CUEDC1: variants seen among roughly 807,000 people sequenced by gnomAD.
CUEDC1 encodes CUE domain-containing protein 1.
A neutral mutation model predicts 43.7 loss-of-function variants in CUEDC1; 30 were observed. That is an observed-to-expected ratio of 0.69 (90% CI 0.51 to 0.93). The LOEUF is 0.93. CUEDC1 is among the 40% of genes least tolerant of loss of function. The probability of loss-of-function intolerance (pLI) is 0.00; values close to 1 mark genes in which losing one functional copy is unlikely to be tolerated. For synonymous variants in CUEDC1, 223 were observed against 223.6 expected, an observed-to-expected ratio of 1.00 and a Z score of 0.02; for missense variants, 486 against 549.0, an observed-to-expected ratio of 0.89 and a Z score of 1.15.
chr17:57,883,666 T>C (rs914081078), intron 2 of CUEDC1, among the ~76,000 whole-genome samples: 1 of 151,858 alleles, frequency 6.6e-6, no homozygotes, highest in Non-Finnish European at 1.5e-5. Context: ...GAGGTTGCAG[T>C]GAACCAAGAT....
rs56137797 is a variant in CUEDC1, at chr17:57,932,281, C to CA, written c.-316+22943dup. Among the ~76,000 whole-genome samples the CA allele has an allele frequency of 4.1e-4, 50 of 121,920 alleles. 1 individual carries two copies. Among genetic ancestry groups the CA allele is most frequent in the East Asian group, 1.6e-3 (8 of 5,062 alleles). 80.0% of individuals were successfully genotyped at this position (121,920 alleles called of 152,430 possible). ...TGGGCAACAAAGTGACACTGTGTCT[C>CA]AAAAAAAAAAAAAAAAAAAAAAGGC... On this transcript the variant is annotated intron_variant, in intron 1 of 10. Transcript: ENST00000577830.
intron 10 of CUEDC1, 147 bp downstream of exon 10, chr17:57,866,327 G>A (rs916867187): frequency 4.0e-5 from 26 of 647,460 alleles, no homozygotes; most frequent in South Asian, 3.9e-4. Context: ...TGTCCCTGCC[G>A]CAACTATGAG....
chr17:57,863,361 G>A (rs1233172183), intron 10 of CUEDC1, 76 bp from the exon 11 acceptor site: 2 of 152,284 alleles, frequency 1.3e-5, no homozygotes, highest in African/African-American at 2.4e-5. Context: ...CTGGTTCCTG[G>A]AGAGACAGTT....
chr17:57,913,671 G>T (rs1188441125), intron 1 of CUEDC1, among the ~76,000 whole-genome samples: 1 of 113,440 alleles, frequency 8.8e-6, no homozygotes, highest in Non-Finnish European at 2.0e-5. Context: ...CCTCATTTCT[G>T]CCCCCCATCC....
chr17:57,874,504 G>A (rs1161732623), intron 3 of CUEDC1, among the ~76,000 whole-genome samples: 3 of 152,246 alleles, frequency 2.0e-5, no homozygotes, highest in African/African-American at 7.2e-5. Flanking sequence ...CAACAGCTGG[G>A]CAAGGCAGTA....
intron 1 of CUEDC1, among the ~76,000 whole-genome samples, chr17:57,914,468 G>C (rs748781201): frequency 6.6e-6 from 1 of 152,100 alleles, no homozygotes; most frequent in Non-Finnish European, 1.5e-5. Flanking sequence ...ACAGGTTCAG[G>C]TTGCTGTGCA....
chr17:57,881,832 G>A (rs1177260102), intron 2 of CUEDC1, among the ~76,000 whole-genome samples: 4 of 152,184 alleles, frequency 2.6e-5, no homozygotes, highest in African/African-American at 9.7e-5. Flanking sequence ...AGACCAGACA[G>A]ACGTTCATCA....
chr17:57,932,657 T>C (rs1598018476), intron 1 of CUEDC1, among the ~76,000 whole-genome samples: 1 of 135,658 alleles, frequency 7.4e-6, no homozygotes, highest in African/African-American at 2.8e-5. Flanking sequence ...AGGTCAGGAG[T>C]TCCAGATCAG....
At chr17:57,943,182 G>A (rs1310165142) in intron 1 of CUEDC1, among the ~76,000 whole-genome samples, 1 of 152,130 alleles carries the variant, frequency 6.6e-6, no homozygotes, top group Non-Finnish European at 1.5e-5. Context: ...GGCAGTGACC[G>A]GAAGCTGGGA....
At chr17:57,866,624 G>C (rs2073963539) in intron 9 of CUEDC1, 80 bp from the exon 10 acceptor site, 1 of 1,414,194 alleles carries the variant, frequency 7.1e-7, no homozygotes, top group Admixed American at 1.7e-5. Context: ...GGGCAAGAGA[G>C]CTGACCCGAC....
intron 2 of CUEDC1, among the ~76,000 whole-genome samples, chr17:57,884,862 C>T (rs1235515815): frequency 6.6e-6 from 1 of 152,216 alleles, no homozygotes; most frequent in Admixed American, 6.5e-5. Context: ...TGGCCACTAG[C>T]GGACTCTACG....
intron 1 of CUEDC1, among the ~76,000 whole-genome samples, chr17:57,899,258 C>T (rs968376292): frequency 6.6e-6 from 1 of 152,156 alleles, no homozygotes; most frequent in Admixed American, 6.5e-5. Flanking sequence ...CAGCTGCACC[C>T]CCCCAACCAC....
chr17:57,926,356 T>A (rs958001177), intron 1 of CUEDC1, among the ~76,000 whole-genome samples: 6 of 152,048 alleles, frequency 3.9e-5, no homozygotes, highest in Admixed American at 1.3e-4. Flanking sequence ...GGAAAGAGCA[T>A]TGGCCTAGCA....
chr17:57,867,723 TAAA>T lies in CUEDC1; in HGVS notation c.1035-311_1035-309del, dbSNP rs147743205. 1,021 of 506,374 alleles carry T rather than the reference TAAA, an allele frequency of 2.0e-3. 8 individuals are homozygous for T. The highest frequency in any genetic ancestry group is 0.017 in the African/African-American group (905 of 52,736). 31.4% of individuals were successfully genotyped at this position (506,374 alleles called of 1,614,324 possible). A position where few individuals can be genotyped will look rare whatever the true frequency, so the allele number is the denominator to read the frequency against. On this transcript the variant is annotated intron_variant, in intron 8 of 10. Transcript: ENST00000577830. ...TGAGAAGCATGAATAGGAGTTCTGA[TAAA>T]AAGGTGGAAAGCCGTATTTCTACTC... is the stretch of plus-strand genomic sequence containing the variant.
rs1359577554 is a variant in CUEDC1 at position 57,871,962 on chromosome 17, T to G, written c.785-593A>C. On this transcript the variant is annotated intron_variant, in intron 5 of 10. Transcript: ENST00000577830. ...ATAAACGGAAAAGCCTTGAGGCTTC[T>G]AGCACCTTTGCTGCAGAGCTGGGGC... Among the ~76,000 whole-genome samples the G allele has an allele frequency of 2.0e-5, 3 of 152,336 alleles. No homozygotes were observed. In the East Asian group the frequency reaches 5.8e-4, roughly 29 times the overall value.
chr17:57,882,457 A>G (rs1433283591), intron 2 of CUEDC1, among the ~76,000 whole-genome samples: 3 of 152,206 alleles, frequency 2.0e-5, no homozygotes, highest in Non-Finnish European at 4.4e-5. Flanking sequence ...TGTGGGGGCC[A>G]TGGACAAAGG....
intron 1 of CUEDC1, among the ~76,000 whole-genome samples, chr17:57,919,128 C>T (rs1233175619): frequency 1.3e-5 from 2 of 152,188 alleles, no homozygotes; most frequent in Non-Finnish European, 2.9e-5. Context: ...GCTGAGATTA[C>T]AGGTGTGAGC....
At chr17:57,873,155 A>G (rs991601629) in intron 4 of CUEDC1, among the ~76,000 whole-genome samples, 1 of 152,220 alleles carries the variant, frequency 6.6e-6, no homozygotes, top group African/African-American at 2.4e-5. Context: ...GGAACAGCCT[A>G]TACGTCAATT....
chr17:57,928,634 G>T (rs1004085781), intron 1 of CUEDC1, among the ~76,000 whole-genome samples: 1 of 151,370 alleles, frequency 6.6e-6, no homozygotes, highest in African/African-American at 2.4e-5. Flanking sequence ...CAGATCTTCC[G>T]ATTTGAGTCC....
Sources: allele counts gnomAD v4.1 joint callset (sites outside exome capture counted in the v4.1 genomes callset), GRCh38; gene constraint gnomAD v4.1.1; transcripts MANE v1.5; gene names NCBI Gene and HGNC (gene_info 2026-07-23, HGNC 2026-07-21).